The following MMP24 variants were observed in gnomAD, a reference collection of about 807,000 sequenced individuals.
MMP24 encodes the protein matrix metalloproteinase-24.
Under a neutral mutation model 62.8 loss-of-function variants are expected in MMP24, and 25 were observed. That is an observed-to-expected ratio of 0.40 (90% confidence interval 0.29 to 0.56). The LOEUF (loss-of-function observed/expected upper bound fraction) is 0.56, where lower values mean the gene tolerates loss of function less well. Among genes scored for constraint, MMP24 ranks in the 20% least tolerant of loss-of-function variants. The pLI, the probability that MMP24 is intolerant of heterozygous loss-of-function variation, is 0.50. For missense variants in MMP24, 634 were observed against 853.6 expected (o/e 0.74, Z 3.21); for synonymous variants, 319 against 350.5 (o/e 0.91, Z 1.00).
intron 2 of MMP24, among the ~76,000 whole-genome samples, chr20:35,250,430 C>A (rs1381084570): frequency 6.6e-6 from 1 of 151,814 alleles, no homozygotes; most frequent in Non-Finnish European, 1.5e-5. Context: ...CGTGGTGGTG[C>A]GCGCCTGTAA....
intron 7 of MMP24, among the ~76,000 whole-genome samples, chr20:35,270,869 G>A (rs955337328): frequency 4.6e-5 from 7 of 152,168 alleles, no homozygotes; most frequent in African/African-American, 1.2e-4. Context: ...GTGAAACCAC[G>A]TCTCTACTAA....
intron 1 of MMP24, among the ~76,000 whole-genome samples, chr20:35,227,323 T>C (rs574368589): frequency 6.6e-6 from 1 of 151,118 alleles, no homozygotes; most frequent in African/African-American, 2.4e-5. Context: ...GAGTAAATAG[T>C]AAGCGCAGCC....
At chr20:35,227,758 C>T (rs1025332480) in intron 1 of MMP24, among the ~76,000 whole-genome samples, 22 of 152,118 alleles carry the variant, frequency 1.4e-4, no homozygotes, top group African/African-American at 5.3e-4. Flanking sequence ...TACGAATTAT[C>T]CAATTCAATC....
rs958174483 is a variant in MMP24 at position 35,269,250 on chromosome 20, G to A, written c.1195-510G>A. ...TCTCCATTATTACCTGCACTTGCAG[G>A]TGAGGCCTAGGTCATGCAGCTATAA... On this transcript the variant is annotated intron_variant, in intron 6 of 8. Transcript: ENST00000246186. The surrounding 1 kb of genome is among the most constrained non-coding windows in gnomAD (Gnocchi z 4.6). Among the ~76,000 whole-genome samples the A allele has an allele frequency of 6.6e-6, 1 of 152,204 alleles. No individual in the cohort carries two copies. Among genetic ancestry groups the A allele is most frequent in the Non-Finnish European group, 1.5e-5 (1 of 68,038 alleles).
chr20:35,255,791 G>C (rs2060571635), intron 4 of MMP24, among the ~76,000 whole-genome samples: 1 of 152,188 alleles, frequency 6.6e-6, no homozygotes, highest in Non-Finnish European at 1.5e-5. Flanking sequence ...AAAGTGAGGG[G>C]CTGGATTAGG....
At chr20:35,248,980 GA>G (rs972828911) in intron 2 of MMP24, among the ~76,000 whole-genome samples, 3 of 152,170 alleles carry the variant, frequency 2.0e-5, no homozygotes, top group Non-Finnish European at 4.4e-5. Flanking sequence ...GGTGGATGGT[GA>G]AAGGAGGAGG....
chr20:35,229,804 CAT>C (rs1023484923), intron 1 of MMP24, among the ~76,000 whole-genome samples: 6 of 152,194 alleles, frequency 3.9e-5, no homozygotes, highest in African/African-American at 9.6e-5. Context: ...GACATTGTCA[CAT>C]AGTTACTTCT....
intron 6 of MMP24, chr20:35,268,044 G>A (rs182163997): frequency 3.0e-3 from 454 of 153,068 alleles, no homozygotes; most frequent in Middle Eastern, 0.014. Context: ...TTGTGAGGGG[G>A]AGAAGGAAGC....
At chr20:35,228,301 G>A (rs897901924) in intron 1 of MMP24, among the ~76,000 whole-genome samples, 16 of 152,196 alleles carry the variant, frequency 1.1e-4, no homozygotes, top group African/African-American at 3.6e-4. Flanking sequence ...AAGATATGGT[G>A]TGTAAAAGAA....
At chr20:35,247,132 G>A (rs1177360117) in intron 2 of MMP24, 144 bp downstream of exon 2, 34 of 1,032,194 alleles carry the variant, frequency 3.3e-5, no homozygotes, top group South Asian at 1.8e-4. Flanking sequence ...AGAATATCTC[G>A]ATGTGAGTTG....
At position 35,275,948 on chromosome 20, in the gene MMP24, C is replaced by T; in HGVS notation, c.*1339C>T. The T allele has an allele frequency of 2.5e-6, 1 of 398,608 alleles. No individual in the cohort carries two copies. The highest frequency in any genetic ancestry group is 4.4e-6 in the Non-Finnish European group (1 of 226,112). 24.7% of individuals were successfully genotyped at this position (398,608 alleles called of 1,614,324 possible). A position where few individuals can be genotyped will look rare whatever the true frequency, so the allele number is the denominator to read the frequency against. ...CTAGGGCTTGGCCTGCCTTGCTCCA[C>T]AGTACGGCGGAGGCAGCCCTGCTTG... is the stretch of plus-strand genomic sequence containing the variant. On this transcript the variant is annotated 3_prime_UTR_variant, in exon 9 of 9. Transcript: ENST00000246186.
chr20:35,253,270 CTTTTTTTTTT>C (rs34474017), intron 3 of MMP24, among the ~76,000 whole-genome samples: 1 of 79,078 alleles, frequency 1.3e-5, no homozygotes, highest in Admixed American at 1.4e-4. Context: ...CAGAACGGGA[CTTTTTTTTTT>C]TTTTTTTTTT....
intron 1 of MMP24, among the ~76,000 whole-genome samples, chr20:35,235,679 CA>C: frequency 6.6e-6 from 1 of 152,094 alleles, no homozygotes; most frequent in Non-Finnish European, 1.5e-5. Context: ...GCCTGGGTGA[CA>C]AGAGCAAGAC....
Position 35,248,407 on chromosome 20 carries a change from G to C in MMP24, c.395+1419G>C, listed in dbSNP as rs1429110742. Among the ~76,000 whole-genome samples, 11 of 150,130 alleles carry C rather than the reference G, an allele frequency of 7.3e-5. No homozygotes were observed. The Admixed American group carries it at 7.3e-4, about 10-fold the overall frequency. Reference sequence around the variant, plus strand: ...TGCAACCACTGCCTCCAGGGTTCAAGCGATTCTCCTGCCTCAGCCTCCCAA... The same window carrying C: ...TGCAACCACTGCCTCCAGGGTTCAACCGATTCTCCTGCCTCAGCCTCCCAA... On this transcript the variant is annotated intron_variant, in intron 2 of 8. Transcript: ENST00000246186.
chr20:35,249,628 G>T (rs759570742), intron 2 of MMP24, among the ~76,000 whole-genome samples: 38 of 150,566 alleles, frequency 2.5e-4, no homozygotes, highest in African/African-American at 8.8e-4. Flanking sequence ...TCGCTCTGTC[G>T]CCCAGGTTGG....
rs1208505307 is a variant in MMP24 at position 35,271,305 on chromosome 20, C to T, written c.1334-264C>T. On this transcript the variant is annotated intron_variant, in intron 7 of 8. Coordinates refer to ENST00000246186, the MANE Select transcript of MMP24 (RefSeq NM_006690.4). The surrounding 1 kb of genome is among the most constrained non-coding windows in gnomAD (Gnocchi z 4.0). The stretch of plus-strand genomic sequence containing the variant: ...GTAGCAGGTTTGGGGAGTGGTAGTG[C>T]ATATGCAAAGTCATGTAAGTGGCTG... 6.6e-6 allele frequency among the ~76,000 whole-genome samples: 1 copy of T among 152,138 alleles called. No individual in the cohort carries two copies. The highest frequency in any genetic ancestry group is 1.5e-5 in the Non-Finnish European group (1 of 68,026).
In MMP24 at chr20:35,275,806, G is replaced by A. The variant is rs116326534; in HGVS notation, c.*1197G>A. On this transcript the variant is annotated 3_prime_UTR_variant, in exon 9 of 9. Coordinates refer to ENST00000246186, the MANE Select transcript of MMP24 (RefSeq NM_006690.4). Reference sequence around the variant, plus strand: ...TGGCCCTTGCTGACCTCGCTCACTGGGCCCATCTTCCCACACTGCTCTTAG... The same window carrying A: ...TGGCCCTTGCTGACCTCGCTCACTGAGCCCATCTTCCCACACTGCTCTTAG... 1 of 391,900 alleles carries A rather than the reference G, an allele frequency of 2.6e-6. No individual in the cohort carries two copies. The highest frequency in any genetic ancestry group is 4.5e-6 in the Non-Finnish European group (1 of 222,326). The allele number at this position is 391,900 out of a possible 1,614,324, so 24.3% of individuals were successfully genotyped here.
At chr20:35,258,151 C>T (rs950362385) in intron 4 of MMP24, among the ~76,000 whole-genome samples, 9 of 152,126 alleles carry the variant, frequency 5.9e-5, no homozygotes, top group African/African-American at 2.2e-4. Context: ...TGTGGCATTC[C>T]TATTTATCTA....
Position 35,269,080 on chromosome 20 carries a change from G to T in MMP24, c.1195-680G>T, listed in dbSNP as rs6060337. Among the ~76,000 whole-genome samples, 6 of 151,410 alleles carry T rather than the reference G, an allele frequency of 4.0e-5. No homozygotes were observed. Among genetic ancestry groups the T allele is most frequent in the Admixed American group, 1.3e-4 (2 of 15,240 alleles). ...GCCTGGAGGCTACAGGCCTTGCCTA[G>T]ACTGCTTGTGTACCAGCCCAAGACT... is the stretch of plus-strand genomic sequence containing the variant. On this transcript the variant is annotated intron_variant, in intron 6 of 8. Coordinates refer to ENST00000246186, the MANE Select transcript of MMP24 (RefSeq NM_006690.4). This position sits in a 1 kb window ranked among gnomAD's most constrained non-coding sequence, Gnocchi z 4.6.
Sources: gnomAD v4.1 joint callset for allele counts (sites outside exome capture counted in the v4.1 genomes callset) on GRCh38, gnomAD v4.1.1 for gene constraint, Gnocchi (gnomAD v3.1) non-coding constraint, MANE v1.5 for transcripts, NCBI Gene and HGNC (gene_info 2026-07-23, HGNC 2026-07-21) for gene names.